CLDN15: variants seen among roughly 807,000 people sequenced by gnomAD.
CLDN15 encodes claudin-15.
A neutral mutation model predicts 24.5 loss-of-function variants in CLDN15; 9 were observed. That is an observed-to-expected ratio of 0.37 (90% CI 0.22 to 0.64). The LOEUF is 0.64. Among genes scored for constraint, CLDN15 ranks in the 30% least tolerant of loss-of-function variants. The pLI is 0.63. For synonymous variants in CLDN15, 149 were observed against 131.4 expected (o/e 1.13, Z -0.92); for missense variants, 248 against 305.9 (o/e 0.81, Z 1.41).
upstream of CLDN15, chr7:101,237,819 C>T (rs373647714): frequency 5.0e-5 from 28 of 563,062 alleles, no homozygotes; most frequent in East Asian, 3.3e-4. This position sits in a 1 kb window ranked among gnomAD's most constrained non-coding sequence, Gnocchi z 4.0. Flanking sequence ...AGCCTGCGCG[C>T]GGCAGCTGTT....
chr7:101,234,199 G>C (rs1387251407), intron 2 of CLDN15, 79 bp downstream of exon 2: 5 of 1,133,610 alleles, frequency 4.4e-6, no homozygotes, highest in East Asian at 2.3e-5. Flanking sequence ...GGGAATTGGA[G>C]AGGAGATTAG....
In CLDN15 at chr7:101,237,378, C is replaced by T; in HGVS notation, c.204G>A (p.Met68Ile). Reference protein sequence around the residue: ...GVYNCWEFPSMLALSGYIQAC... With the variant: ...GVYNCWEFPSILALSGYIQAC... ...CCCACCCCATACCAGAGAGGGCCAG[C>T]ATGGACGGGAACTCCCAGCAGTTGT... The change falls in exon 1 of 5, where the codon ATG (methionine) becomes ATA (isoleucine). Residue 68 changes from methionine to isoleucine, a missense_variant. By Grantham distance (10) the Met-to-Ile change is conservative (BLOSUM62 1). Coordinates refer to ENST00000308344, the MANE Select transcript of CLDN15 (RefSeq NM_014343.3). The surrounding 1 kb of genome is among the most constrained non-coding windows in gnomAD (Gnocchi z 4.0). 1 of 1,608,884 alleles carries T rather than the reference C, an allele frequency of 6.2e-7. No homozygotes were observed. The highest frequency in any genetic ancestry group is 2.2e-5 in the East Asian group (1 of 44,766).
Position 101,237,244 on chromosome 7 carries a change from ACTCAGAC to A in CLDN15, c.217+114_217+120del. Reference sequence around the variant, plus strand: ...GCCCCCAGCACTCCTGGCTGCGGGAACTCAGACCCGCAGAGCTTAATTCAGGGCTCCC... The same window carrying A: ...GCCCCCAGCACTCCTGGCTGCGGGAACCGCAGAGCTTAATTCAGGGCTCCC... On this transcript the variant is annotated intron_variant, in intron 1 of 4. Transcript: ENST00000308344. This position sits in a 1 kb window ranked among gnomAD's most constrained non-coding sequence, Gnocchi z 4.0. The A allele has an allele frequency of 5.5e-6, 4 of 722,698 alleles. No individual in the cohort carries two copies. In the South Asian group the frequency reaches 6.4e-5, roughly 12 times the overall value. 44.8% of individuals were successfully genotyped at this position (722,698 alleles called of 1,614,324 possible).
At chr7:101,233,952 T>C (rs770182655) in intron 2 of CLDN15, 149 of 487,624 alleles carry the variant, frequency 3.1e-4, no homozygotes, top group Non-Finnish European at 5.0e-4. Context: ...GCACTGTGTG[T>C]GTGCGCCATA....
In CLDN15 at chr7:101,232,313, T is replaced by TGG; in HGVS notation, c.*95_*96dup. On this transcript the variant is annotated 3_prime_UTR_variant, in exon 5 of 5. Coordinates refer to ENST00000308344, the MANE Select transcript of CLDN15 (RefSeq NM_014343.3). ...GGGGCGGGGCTACGGGAGCGGGGCG[T>TGG]GGCCGGCCCCTGAGGTTACTATAGG... is the stretch of plus-strand genomic sequence containing the variant. 1 of 832,540 alleles carries TGG rather than the reference T, an allele frequency of 1.2e-6. No individual in the cohort carries two copies. Among genetic ancestry groups the TGG allele is most frequent in the Middle Eastern group, 3.0e-4 (1 of 3,376 alleles). The allele number at this position is 832,540 out of a possible 1,614,324, so 51.6% of individuals were successfully genotyped here.
rs1798534192 is a variant in CLDN15 at position 101,233,052 on chromosome 7, T to C, written c.383-138A>G. On this transcript the variant is annotated intron_variant, in intron 2 of 4. Transcript: ENST00000308344. ...CAGAGCAGCAATTTCACTCAATTCC[T>C]TTCTCCCCACCCCAGTTTATAAGCC... The C allele has an allele frequency of 6.0e-6, 4 of 671,886 alleles. No individual in the cohort carries two copies. In the South Asian group the frequency reaches 6.9e-5, roughly 12 times the overall value. The allele number at this position is 671,886 out of a possible 1,614,324, so 41.6% of individuals were successfully genotyped here. A position where few individuals can be genotyped will look rare whatever the true frequency, so the allele number is the denominator to read the frequency against.
At chr7:101,234,584 G>A (rs551429637) in intron 1 of CLDN15, 142 bp from the exon 2 acceptor site, 13 of 614,542 alleles carry the variant, frequency 2.1e-5, no homozygotes, top group Middle Eastern at 3.3e-4. Context: ...GCACCACCAC[G>A]CCCGGCTAAT....
In CLDN15 at chr7:101,232,276, GGGGCCGTGGCC is replaced by G. The variant is rs1169311912; in HGVS notation, c.*123_*133del. 6 of 624,892 alleles carry G rather than the reference GGGGCCGTGGCC, an allele frequency of 9.6e-6. No homozygotes were observed. Among genetic ancestry groups the G allele is most frequent in the African/African-American group, 7.5e-5 (4 of 53,542 alleles). The allele number at this position is 624,892 out of a possible 1,614,324, so 38.7% of individuals were successfully genotyped here. ...GAGGGGCCATGAGAGTGCAAGACAC[GGGGCCGTGGCC>G]GGGGCGGGGCTACGGGAGCGGGGCG... is the stretch of plus-strand genomic sequence containing the variant. On this transcript the variant is annotated 3_prime_UTR_variant, in exon 5 of 5. Transcript: ENST00000308344.
upstream of CLDN15, chr7:101,237,813 TGC>T (rs532083628): frequency 3.7e-4 from 210 of 568,044 alleles, no homozygotes; most frequent in African/African-American, 3.6e-3. This position sits in a 1 kb window ranked among gnomAD's most constrained non-coding sequence, Gnocchi z 4.0. Flanking sequence ...GAGCTAAGCC[TGC>T]GCGCGGCAGC....
At position 101,237,568 on chromosome 7, in the gene CLDN15, A is replaced by G. The variant is rs372492489; in HGVS notation, c.14T>C (p.Val5Ala). 5.0e-5 allele frequency: 80 copies of G among 1,613,878 alleles called. No homozygotes were observed. Among genetic ancestry groups the G allele is most frequent in the Non-Finnish European group, 6.5e-5 (77 of 1,179,880 alleles). Residue 5 changes from valine to alanine, a missense_variant, in exon 1 of 5, where the codon GTG becomes GCG. Transcript: ENST00000308344. The surrounding 1 kb of genome is among the most constrained non-coding windows in gnomAD (Gnocchi z 4.0). MSMA[V>A]ETFGFFMATV... ...TGCCATGAAGAAGCCAAAGGTTTCC[A>G]CAGCCATCGACATGGTGGGATGCAG... is the stretch of plus-strand genomic sequence containing the variant.
rs1451478694 is a variant in CLDN15 at position 101,237,428 on chromosome 7, A to G, written c.154T>C (p.Cys52Arg). 8 of 1,613,748 alleles carry G rather than the reference A, an allele frequency of 5.0e-6. No individual in the cohort carries two copies. The Admixed American group carries it at 1.0e-4, about 20-fold the overall frequency. Residue 52 changes from cysteine (C) to arginine (R), a missense_variant, in exon 1 of 5, where the codon TGT becomes CGT. Transcript: ENST00000308344. This position sits in a 1 kb window ranked among gnomAD's most constrained non-coding sequence, Gnocchi z 4.0. The stretch of plus-strand genomic sequence containing the variant: ...TAGACGCCCAGGGAGTCGGTGGCAC[A>G]GCTAAACCAGAGGTTCTCGAAGATG... ...NTIFENLWFS[C>R]ATDSLGVYNC... is the part of the protein sequence containing the mutation.
Position 101,237,659 on chromosome 7 carries a change from G to A in CLDN15, c.-78C>T, listed in dbSNP as rs1468751622. On this transcript the variant is annotated 5_prime_UTR_variant, in exon 1 of 5. Coordinates refer to ENST00000308344, the MANE Select transcript of CLDN15 (RefSeq NM_014343.3). The surrounding 1 kb of genome is among the most constrained non-coding windows in gnomAD (Gnocchi z 4.0). ...AACCCCTAGGGAACTGGAAGGGGCT[G>A]CGGCTAAGGAGGGTTGTCCAGGCAG... 2 of 1,050,232 alleles carry A rather than the reference G, an allele frequency of 1.9e-6. No individual in the cohort carries two copies. The highest frequency in any genetic ancestry group is 3.1e-5 in the African/African-American group (2 of 63,736). The allele number at this position is 1,050,232 out of a possible 1,614,324, so 65.1% of individuals were successfully genotyped here. A position where few individuals can be genotyped will look rare whatever the true frequency, so the allele number is the denominator to read the frequency against.
chr7:101,234,477 T>C, intron 1 of CLDN15, 35 bp from the exon 2 acceptor site: 2 of 1,547,994 alleles, frequency 1.3e-6, no homozygotes, highest in Non-Finnish European at 1.8e-6. Context: ...CTTTCCCATC[T>C]CCCCTCTGCG....
At chr7:101,234,679 G>A (rs567886486) in intron 1 of CLDN15, among the ~76,000 whole-genome samples, 18 of 151,768 alleles carry the variant, frequency 1.2e-4, no homozygotes, top group Non-Finnish European at 1.9e-4. Flanking sequence ...TGCTTGCCTC[G>A]GCCTCCTGAA....
intron 2 of CLDN15, chr7:101,233,961 T>C: frequency 1.9e-6 from 1 of 515,840 alleles, no homozygotes; most frequent in East Asian, 4.4e-5. Context: ...GTGTGCGCCA[T>C]AGCGTGCACC....
Position 101,237,614 on chromosome 7 carries a change from C to T in CLDN15, c.-33G>A, listed in dbSNP as rs753465488. ...TGCAGGACCCTGGGGGGCTGGTGCC[C>T]CAGAGAGGGGGAGGGGCAGAACCCC... is the stretch of plus-strand genomic sequence containing the variant. On this transcript the variant is annotated 5_prime_UTR_variant, in exon 1 of 5. Transcript: ENST00000308344. The surrounding 1 kb of genome is among the most constrained non-coding windows in gnomAD (Gnocchi z 4.0). The T allele has an allele frequency of 6.5e-7, 1 of 1,537,508 alleles. No homozygotes were observed. Among genetic ancestry groups the T allele is most frequent in the East Asian group, 2.3e-5 (1 of 44,414 alleles).
intron 1 of CLDN15, chr7:101,236,977 A>G (rs113084960): frequency 0.011 from 4,941 of 432,084 alleles, 187 homozygotes; most frequent in African/African-American, 0.094. Flanking sequence ...GCTCAACCGT[A>G]CTGAGTGCCT....
At position 101,232,369 on chromosome 7, in the gene CLDN15, T is replaced by TGGGGCAGTGGG. The variant is rs1798517137; in HGVS notation, c.*30_*40dup. 1 of 1,436,264 alleles carries TGGGGCAGTGGG rather than the reference T, an allele frequency of 7.0e-7. No homozygotes were observed. The highest frequency in any genetic ancestry group is 2.3e-5 in the East Asian group (1 of 43,856). 89.0% of individuals were successfully genotyped at this position (1,436,264 alleles called of 1,614,324 possible). ...GGGCCCCGGCCAGGTCCCCTCTCCT[T>TGGGGCAGTGGG]GGGGCAGTGGGAAGACAGCGGGGCC... is the stretch of plus-strand genomic sequence containing the variant. On this transcript the variant is annotated 3_prime_UTR_variant, in exon 5 of 5. Coordinates refer to ENST00000308344, the MANE Select transcript of CLDN15 (RefSeq NM_014343.3).
chr7:101,237,447 G>A lies in CLDN15; in HGVS notation c.135C>T (p.Phe45=), dbSNP rs754951698. 24 of 1,613,906 alleles carry A rather than the reference G, an allele frequency of 1.5e-5. No individual in the cohort carries two copies. The highest frequency in any genetic ancestry group is 2.2e-5 in the East Asian group (1 of 44,900). ...TGGCACAGCTAAACCAGAGGTTCTC[G>A]AAGATGGTGTTGGTGGTGATGACGT... The part of the protein sequence containing the change: ...HGNVITTNTI[F]ENLWFSCATD... Residue 45 remains phenylalanine (F), a synonymous_variant, in exon 1 of 5, where the codon TTC becomes TTT. Coordinates refer to ENST00000308344, the MANE Select transcript of CLDN15 (RefSeq NM_014343.3). The surrounding 1 kb of genome is among the most constrained non-coding windows in gnomAD (Gnocchi z 4.0).
Sources: allele counts gnomAD v4.1 joint callset (sites outside exome capture counted in the v4.1 genomes callset), GRCh38; gene constraint gnomAD v4.1.1; non-coding constraint Gnocchi (gnomAD v3.1); transcripts MANE v1.5; gene names NCBI Gene and HGNC (gene_info 2026-07-23, HGNC 2026-07-21).